ADGRB1: variants seen among roughly 807,000 people sequenced by gnomAD.
ADGRB1 encodes brain-specific angiogenesis inhibitor 1.
In ADGRB1, 36 loss-of-function variants were observed where a neutral mutation model predicts 175.7. The observed-to-expected ratio is 0.20, with a 90% confidence interval of 0.16 to 0.27. The LOEUF (loss-of-function observed/expected upper bound fraction) is 0.27, where lower values mean the gene tolerates loss of function less well. Ranked by LOEUF, ADGRB1 falls within the 10% of genes least tolerant of loss-of-function variation. The pLI is 1.00. For synonymous variants in ADGRB1, 1,054 were observed against 979.4 expected (o/e 1.08, Z -1.42); for missense variants, 1,731 against 2,255.3 (o/e 0.77, Z 4.71).
At chr8:142,482,102 TC>T (rs1408729172) in intron 11 of ADGRB1, among the ~76,000 whole-genome samples, 2 of 68,524 alleles carry the variant, frequency 2.9e-5, no homozygotes, top group African/African-American at 8.5e-5. Context: ...CATGTCCTGA[TC>T]CTGGTCACAC....
At chr8:142,512,628 C>G (rs1215970748) in intron 18 of ADGRB1, among the ~76,000 whole-genome samples, 1 of 152,228 alleles carries the variant, frequency 6.6e-6, no homozygotes, top group Non-Finnish European at 1.5e-5. Flanking sequence ...TGGACTGGCT[C>G]TGCCTTAAGT....
chr8:142,540,353 C>T (rs552814326), intron 27 of ADGRB1, among the ~76,000 whole-genome samples: 4 of 152,264 alleles, frequency 2.6e-5, no homozygotes, highest in South Asian at 2.1e-4. Flanking sequence ...GTCCCACAGC[C>T]TCTCAGAGGG....
At chr8:142,520,025 GTGGTGGTGA>G (rs1359862301) in intron 19 of ADGRB1, among the ~76,000 whole-genome samples, 7 of 93,372 alleles carry the variant, frequency 7.5e-5, no homozygotes, top group African/African-American at 2.8e-4. Flanking sequence ...GGTGATGGTG[GTGGTGGTGA>G]TGGTGGTAGT....
intron 14 of ADGRB1, 34 bp from the exon 15 acceptor site, chr8:142,489,001 G>T: frequency 6.2e-7 from 1 of 1,602,646 alleles, no homozygotes; most frequent in South Asian, 1.1e-5. Context: ...CTGTGGGGAT[G>T]GCGGGCCGGG....
At chr8:142,518,097 G>A (rs756355552) in intron 18 of ADGRB1, 41 bp from the exon 19 acceptor site, 294 of 1,592,688 alleles carry the variant, frequency 1.8e-4, no homozygotes, top group Non-Finnish European at 1.5e-5. Flanking sequence ...GTGGGCGAGT[G>A]GGGTGCCTCA....
At chr8:142,457,671 T>G (rs1839754753) in intron 1 of ADGRB1, among the ~76,000 whole-genome samples, 1 of 149,180 alleles carries the variant, frequency 6.7e-6, no homozygotes, top group Admixed American at 6.8e-5. Flanking sequence ...GGTTGACCAG[T>G]GGGGGTGTGG....
At chr8:142,491,020 T>G (rs559690421) in intron 17 of ADGRB1, among the ~76,000 whole-genome samples, 81 of 152,274 alleles carry the variant, frequency 5.3e-4, no homozygotes, top group African/African-American at 1.6e-3. Flanking sequence ...CTCCCAGGGA[T>G]GTCCACAGTT....
At chr8:142,479,586 C>T (rs886922898) in intron 8 of ADGRB1, 99 bp downstream of exon 8, 199 of 1,531,850 alleles carry the variant, frequency 1.3e-4, no homozygotes, top group Non-Finnish European at 1.6e-4. Flanking sequence ...TGGGGGCTCC[C>T]GTCCTGTCCT....
chr8:142,515,915 C>T (rs1053043991), intron 18 of ADGRB1, among the ~76,000 whole-genome samples: 2 of 152,220 alleles, frequency 1.3e-5, no homozygotes, highest in Admixed American at 6.5e-5. Flanking sequence ...CCTCCCAGAG[C>T]GTAGTTTGGA....
chr8:142,470,066 G>A (rs1023707051), intron 2 of ADGRB1, among the ~76,000 whole-genome samples: 14 of 152,146 alleles, frequency 9.2e-5, no homozygotes, highest in Non-Finnish European at 1.6e-4. Flanking sequence ...CCCCCCGCAC[G>A]GCCTGTCCAA....
rs1843100308 is a variant in ADGRB1 at position 142,511,477 on chromosome 8, G to GGGA, written c.2817+415_2817+417dup. Among the ~76,000 whole-genome samples the GGGA allele has an allele frequency of 6.6e-6, 1 of 152,162 alleles. No homozygotes were observed. The highest frequency in any genetic ancestry group is 1.5e-5 in the Non-Finnish European group (1 of 68,006). On this transcript the variant is annotated intron_variant, in intron 18 of 30. Coordinates refer to ENST00000517894, the MANE Select transcript of ADGRB1 (RefSeq NM_001702.3). This position sits in a 1 kb window ranked among gnomAD's most constrained non-coding sequence, Gnocchi z 4.5. ...TGGTCCTCTCCGCCTGCCAGGGAGA[G>GGGA]GGAGGAGGAGGAGCTGCCGCCTTGG...
chr8:142,513,004 C>G (rs1322839123), intron 18 of ADGRB1, among the ~76,000 whole-genome samples: 1 of 151,720 alleles, frequency 6.6e-6, no homozygotes, highest in Non-Finnish European at 1.5e-5. Context: ...ATACACAGTC[C>G]TGGGCCTTCT....
chr8:142,498,216 CGT>C (rs1436776544), intron 17 of ADGRB1, among the ~76,000 whole-genome samples: 1 of 152,184 alleles, frequency 6.6e-6, no homozygotes, highest in Non-Finnish European at 1.5e-5. Context: ...TCCTTGGATC[CGT>C]GTGTGTTCGA....
Position 142,478,344 on chromosome 8 carries a change from C to A in ADGRB1, c.1545C>A (p.Phe515Leu). 1 of 1,606,050 alleles carries A rather than the reference C, an allele frequency of 6.2e-7. No homozygotes were observed. The highest frequency in any genetic ancestry group is 8.5e-7 in the Non-Finnish European group (1 of 1,176,736). ...QGHWVETRDC[F>L]LQQCPVDGKW... The stretch of plus-strand genomic sequence containing the variant: ...ACTGGGTGGAGACCCGAGACTGCTT[C>A]CTGCAGCAGTGCCCAGGTCAGGGGT... Residue 515 changes from phenylalanine (F) to leucine (L), a missense_variant, in exon 7 of 31, where the codon TTC becomes TTA. Phe to Leu is a conservative substitution (Grantham distance 22). Coordinates refer to ENST00000517894, the MANE Select transcript of ADGRB1 (RefSeq NM_001702.3).
Position 142,543,312 on chromosome 8 carries a change from T to G in ADGRB1, c.4414-91T>G. On this transcript the variant is annotated intron_variant, in intron 28 of 30. Coordinates refer to ENST00000517894, the MANE Select transcript of ADGRB1 (RefSeq NM_001702.3). This position sits in a 1 kb window ranked among gnomAD's most constrained non-coding sequence, Gnocchi z 4.4. Reference sequence around the variant, plus strand: ...TCCCTGAAGGCAGGCATGGGGCGAGTGAGTCCCTGATGCCCTCAGTCTGAG... The same window carrying G: ...TCCCTGAAGGCAGGCATGGGGCGAGGGAGTCCCTGATGCCCTCAGTCTGAG... 2.0e-6 allele frequency: 3 copies of G among 1,538,320 alleles called. No homozygotes were observed. In the South Asian group the frequency reaches 3.5e-5, roughly 18 times the overall value.
At chr8:142,473,618 G>A (rs767581926) in intron 2 of ADGRB1, among the ~76,000 whole-genome samples, 15 of 152,250 alleles carry the variant, frequency 9.9e-5, no homozygotes, top group Non-Finnish European at 1.6e-4. Context: ...GGCATGGCAC[G>A]GGCTAAGCAC....
intron 26 of ADGRB1, among the ~76,000 whole-genome samples, chr8:142,538,222 C>T (rs964253746): frequency 5.9e-5 from 9 of 152,338 alleles, no homozygotes; most frequent in African/African-American, 1.4e-4. Context: ...GAACTCTGCA[C>T]GGCTGGTGCG....
intron 24 of ADGRB1, among the ~76,000 whole-genome samples, chr8:142,530,583 G>A (rs553403717): frequency 2.6e-5 from 4 of 152,310 alleles, no homozygotes; most frequent in South Asian, 2.1e-4. Flanking sequence ...GATGCGAGTC[G>A]GGGCGAGGCT....
At chr8:142,471,071 G>A (rs375306568) in intron 2 of ADGRB1, among the ~76,000 whole-genome samples, 2 of 152,302 alleles carry the variant, frequency 1.3e-5, no homozygotes, top group East Asian at 1.9e-4. Context: ...GGCTTGGGAA[G>A]GTGCCAAGGT....
Sources: gnomAD v4.1 joint callset for allele counts (sites outside exome capture counted in the v4.1 genomes callset) on GRCh38, gnomAD v4.1.1 for gene constraint, Gnocchi (gnomAD v3.1) non-coding constraint, MANE v1.5 for transcripts, NCBI Gene and HGNC (gene_info 2026-07-23, HGNC 2026-07-21) for gene names.